DPP6: variants seen among roughly 807,000 people sequenced by gnomAD.
DPP6 encodes the protein dipeptidyl peptidase like 6.
A neutral mutation model predicts 122.6 loss-of-function variants in DPP6; 69 were observed. The observed-to-expected ratio is 0.56, with a 90% CI of 0.46 to 0.69. The LOEUF is 0.69. DPP6 is among the 30% of genes least tolerant of loss of function. The pLI, the probability that DPP6 is intolerant of heterozygous loss-of-function variation, is 0.00. For missense variants in DPP6, 928 were observed against 1,116.9 expected, an observed-to-expected ratio of 0.83 and a Z score of 2.41; for synonymous variants, 418 against 433.1, an observed-to-expected ratio of 0.97 and a Z score of 0.43.
chr7:153,919,730 C>T (rs879777662), intron 1 of DPP6, among the ~76,000 whole-genome samples: 6 of 152,128 alleles, frequency 3.9e-5, no homozygotes, highest in Admixed American at 1.3e-4. Context: ...TCAAATACTT[C>T]TAAAAAATGA....
intron 1 of DPP6, among the ~76,000 whole-genome samples, chr7:154,135,325 TAA>T (rs1465327849): frequency 2.6e-5 from 4 of 152,104 alleles, no homozygotes; most frequent in Non-Finnish European, 5.9e-5. Context: ...GCACTTCCTA[TAA>T]GCCCACACTT....
intron 1 of DPP6, among the ~76,000 whole-genome samples, chr7:154,314,313 A>G (rs1160738821): frequency 2.0e-5 from 3 of 152,248 alleles, no homozygotes; most frequent in African/African-American, 7.2e-5. Flanking sequence ...GAGATTTCAA[A>G]CTATTGTTCA....
intron 1 of DPP6, among the ~76,000 whole-genome samples, chr7:153,920,275 A>G (rs1243615688): frequency 6.6e-6 from 1 of 152,214 alleles, no homozygotes; most frequent in Non-Finnish European, 1.5e-5. Context: ...CCCTTGAAGC[A>G]AAGTTCTTTC....
intron 5 of DPP6, among the ~76,000 whole-genome samples, chr7:154,621,883 G>C (rs1834707569): frequency 6.6e-6 from 1 of 152,088 alleles, no homozygotes; most frequent in African/African-American, 2.4e-5. Flanking sequence ...AGAATGTCTG[G>C]GAAAAGAGGC....
chr7:154,305,523 C>T (rs776572881), intron 1 of DPP6: 1 of 1,604,324 alleles, frequency 6.2e-7, no homozygotes, highest in African/African-American at 1.3e-5. Context: ...CCAAGCGCTT[C>T]GGGGAAATCC....
At chr7:154,471,474 A>C (rs1034005604) in intron 2 of DPP6, among the ~76,000 whole-genome samples, 4 of 152,202 alleles carry the variant, frequency 2.6e-5, no homozygotes, top group African/African-American at 9.6e-5. Context: ...CCAGGGGTAC[A>C]TGGAGTCCCT....
intron 3 of DPP6, among the ~76,000 whole-genome samples, chr7:154,518,112 G>A (rs920178436): frequency 6.6e-6 from 1 of 152,188 alleles, no homozygotes; most frequent in African/African-American, 2.4e-5. Context: ...TACCGCAGAA[G>A]ACCTGATATG....
intron 1 of DPP6, among the ~76,000 whole-genome samples, chr7:154,097,079 T>C (rs2150561957): frequency 6.6e-6 from 1 of 152,358 alleles, no homozygotes. Flanking sequence ...CACAGCCTGC[T>C]TTGGAGGACG....
intron 7 of DPP6, among the ~76,000 whole-genome samples, chr7:154,713,084 G>A (rs765530039): frequency 2.3e-4 from 35 of 152,368 alleles, no homozygotes; most frequent in Middle Eastern, 3.4e-3. Flanking sequence ...CAAAGAGGCT[G>A]CAAGCCCCAT....
intron 3 of DPP6, among the ~76,000 whole-genome samples, chr7:154,482,630 A>G (rs1233881825): frequency 6.6e-6 from 1 of 152,246 alleles, no homozygotes; most frequent in Non-Finnish European, 1.5e-5. Flanking sequence ...TTCATAACCT[A>G]TACATACATA....
chr7:154,060,364 G>A (rs867156970), intron 1 of DPP6, among the ~76,000 whole-genome samples: 3 of 123,058 alleles, frequency 2.4e-5, no homozygotes, highest in Non-Finnish European at 3.4e-5. Flanking sequence ...GGGACTGAGA[G>A]CCAGCCCCTG....
At chr7:153,852,778 T>C in the DPP6 span, among the ~76,000 whole-genome samples, 2 of 152,244 alleles carry the variant, frequency 1.3e-5, no homozygotes, top group Non-Finnish European at 2.9e-5. Context: ...TCTTGTGAAA[T>C]GAACTCTGGT....
At chr7:154,220,206 T>G (rs1037474173) in intron 1 of DPP6, among the ~76,000 whole-genome samples, 1 of 152,142 alleles carries the variant, frequency 6.6e-6, no homozygotes, top group African/African-American at 2.4e-5. Context: ...CTGCCATCCT[T>G]AATGGGATTA....
Position 154,570,471 on chromosome 7 carries a change from G to A in DPP6, c.627+3555G>A, listed in dbSNP as rs186844232. On this transcript the variant is annotated intron_variant, in intron 5 of 25. Coordinates refer to ENST00000377770, the MANE Select transcript of DPP6 (RefSeq NM_130797.4). Reference sequence around the variant, plus strand: ...GAGGACCCAGCACAGGGTGATCTGCGTACATTTAGTACTGAGCAAATATAT... The same window carrying A: ...GAGGACCCAGCACAGGGTGATCTGCATACATTTAGTACTGAGCAAATATAT... Among the ~76,000 whole-genome samples, 392 of 151,918 alleles carry A rather than the reference G, an allele frequency of 2.6e-3. 3 individuals are homozygous for A. Among genetic ancestry groups the A allele is most frequent in the Admixed American group, 7.4e-3 (113 of 15,258 alleles).
At position 154,875,042 on chromosome 7, in the gene DPP6, G is replaced by C. The variant is rs1804730596; in HGVS notation, c.1884-864G>C. Among the ~76,000 whole-genome samples the C allele has an allele frequency of 6.6e-6, 1 of 152,018 alleles. No individual in the cohort carries two copies. The highest frequency in any genetic ancestry group is 2.1e-4 in the South Asian group (1 of 4,818). On this transcript the variant is annotated intron_variant, in intron 19 of 25. Coordinates refer to ENST00000377770, the MANE Select transcript of DPP6 (RefSeq NM_130797.4). The surrounding 1 kb of genome is among the most constrained non-coding windows in gnomAD (Gnocchi z 4.5). Reference sequence around the variant, plus strand: ...TTGAGCCCCAGAGGTCAAGCCTGCAGTGAACCAAGATTGTGCCACTGCACT... The same window carrying C: ...TTGAGCCCCAGAGGTCAAGCCTGCACTGAACCAAGATTGTGCCACTGCACT...
At chr7:154,065,787 T>C (rs1324703261) in intron 1 of DPP6, among the ~76,000 whole-genome samples, 2 of 151,982 alleles carry the variant, frequency 1.3e-5, no homozygotes, top group African/African-American at 4.8e-5. Context: ...GGACTCAGGT[T>C]TTCCTCAGGG....
the DPP6 span, among the ~76,000 whole-genome samples, chr7:153,782,949 C>A: frequency 3.9e-5 from 6 of 152,158 alleles, no homozygotes; most frequent in Admixed American, 1.3e-4. Flanking sequence ...CTTGTATAGA[C>A]CACCACTCTG....
chr7:153,928,313 G>A (rs1801001269), intron 1 of DPP6, among the ~76,000 whole-genome samples: 1 of 149,936 alleles, frequency 6.7e-6, no homozygotes, highest in Non-Finnish European at 1.5e-5. Flanking sequence ...CCAAGTTCAA[G>A]TGATTCTCCT....
intron 1 of DPP6, among the ~76,000 whole-genome samples, chr7:154,030,009 A>C (rs1179692128): frequency 6.6e-6 from 1 of 152,194 alleles, no homozygotes; most frequent in Non-Finnish European, 1.5e-5. Context: ...CAGCCTGGGC[A>C]ACATGGCAAA....
Sources: gnomAD v4.1 joint callset for allele counts (sites outside exome capture counted in the v4.1 genomes callset) on GRCh38, gnomAD v4.1.1 for gene constraint, Gnocchi (gnomAD v3.1) non-coding constraint, MANE v1.5 for transcripts, NCBI Gene and HGNC (gene_info 2026-07-23, HGNC 2026-07-21) for gene names.